The following BRSK2 variants were observed in gnomAD, a reference collection of about 807,000 sequenced individuals.
BRSK2 encodes the protein serine/threonine-protein kinase BRSK2.
In BRSK2, 19 loss-of-function variants were observed where a neutral mutation model predicts 83.3. The ratio of observed to expected loss-of-function variants is 0.23; its 90% confidence interval spans 0.16 to 0.33. The LOEUF (loss-of-function observed/expected upper bound fraction) is 0.33, where lower values mean the gene tolerates loss of function less well. Ranked by LOEUF, BRSK2 falls within the 10% of genes least tolerant of loss-of-function variation. The probability of loss-of-function intolerance (pLI) is 1.00; values close to 1 mark genes in which losing one functional copy is unlikely to be tolerated. For missense variants in BRSK2, 798 were observed against 1,042.3 expected (o/e 0.77, Z 3.23); for synonymous variants, 519 against 435.4 (o/e 1.19, Z -2.39).
intron 18 of BRSK2, chr11:1,456,958 C>G: frequency 2.5e-6 from 4 of 1,597,326 alleles, no homozygotes; most frequent in South Asian, 2.2e-5. Context: ...ACCGTAGAAC[C>G]CCCCCCACCA....
intron 1 of BRSK2, among the ~76,000 whole-genome samples, chr11:1,399,134 G>A (rs535992513): frequency 2.6e-5 from 4 of 152,308 alleles, no homozygotes; most frequent in African/African-American, 4.8e-5. Context: ...CCACAGAGCC[G>A]TTGTGACTGG....
At chr11:1,411,696 G>C in intron 1 of BRSK2, 1 of 1,531,326 alleles carries the variant, frequency 6.5e-7, no homozygotes, top group African/African-American at 1.4e-5. Flanking sequence ...CATGTGTGAG[G>C]GATGCAGCCC....
chr11:1,419,216 T>A, intron 1 of BRSK2, among the ~76,000 whole-genome samples: 1 of 96,954 alleles, frequency 1.0e-5, no homozygotes, highest in African/African-American at 4.2e-5. Flanking sequence ...GTCTGGGCAC[T>A]GGCGGGGTGG....
Position 1,441,001 on chromosome 11 carries a change from T to C in BRSK2, c.413+73T>C, listed in dbSNP as rs1447726955. The C allele has an allele frequency of 3.8e-6, 5 of 1,299,924 alleles. No individual in the cohort carries two copies. In the Admixed American group the frequency reaches 9.6e-5, roughly 25 times the overall value. The allele number at this position is 1,299,924 out of a possible 1,614,324, so 80.5% of individuals were successfully genotyped here. On this transcript the variant is annotated intron_variant, in intron 4 of 19. Coordinates refer to ENST00000528841, the MANE Select transcript of BRSK2 (RefSeq NM_001256627.2). ...CCAGTGCGCTACCACAGATGCCCCC[T>C]GTGCCCCAAGGACTACACCCCCTAT... is the stretch of plus-strand genomic sequence containing the variant.
intron 1 of BRSK2, among the ~76,000 whole-genome samples, chr11:1,412,837 C>T (rs564532914): frequency 2.0e-5 from 3 of 149,506 alleles, no homozygotes; most frequent in African/African-American, 5.1e-5. Context: ...AGCAACCCCG[C>T]GTCCCAGGCA....
At chr11:1,400,475 C>T (rs537903841) in intron 1 of BRSK2, among the ~76,000 whole-genome samples, 63 of 152,300 alleles carry the variant, frequency 4.1e-4, no homozygotes, top group South Asian at 1.0e-3. Context: ...CAGTGACCAC[C>T]TCTTCCATAA....
chr11:1,459,682 C>T (rs771400230), intron 19 of BRSK2, among the ~76,000 whole-genome samples: 3 of 152,176 alleles, frequency 2.0e-5, no homozygotes, highest in Admixed American at 6.5e-5. Context: ...GGGCCTCCAT[C>T]GACACACCTG....
chr11:1,397,492 C>T (rs1376358310), intron 1 of BRSK2, among the ~76,000 whole-genome samples: 2 of 152,246 alleles, frequency 1.3e-5, no homozygotes, highest in Non-Finnish European at 2.9e-5. Flanking sequence ...TCCTGGACGC[C>T]TCCAGCTTCC....
chr11:1,451,400 A>G lies in BRSK2; in HGVS notation c.1525A>G (p.Thr509Ala). 3 of 1,612,930 alleles carry G rather than the reference A, an allele frequency of 1.9e-6. No individual in the cohort carries two copies. The highest frequency in any genetic ancestry group is 2.5e-6 in the Non-Finnish European group (3 of 1,179,892). Residue 509 changes from threonine (T) to alanine (A), a missense_variant, in exon 15 of 20, where the codon ACA (threonine) becomes GCA (alanine). This residue lies in a region of BRSK2 where 455 missense variants were observed against 455.2 expected (regional missense o/e 1.00). Coordinates refer to ENST00000528841, the MANE Select transcript of BRSK2 (RefSeq NM_001256627.2). Reference protein sequence around the residue: ...VPTPEEMSNLTPESSPELAKK... With the variant: ...VPTPEEMSNLAPESSPELAKK... ...GACGCCGGAGGAGATGTCCAACCTG[A>G]CACCAGAGTCGTCCCCAGAGTAAGT...
intron 12 of BRSK2, among the ~76,000 whole-genome samples, chr11:1,449,548 G>A (rs1845548492): frequency 6.6e-6 from 1 of 152,144 alleles, no homozygotes; most frequent in South Asian, 2.1e-4. Context: ...TGCTGGCATG[G>A]GGTGGCCCCC....
chr11:1,445,696 C>T lies in BRSK2; in HGVS notation c.1075+28C>T, dbSNP rs201898131. On this transcript the variant is annotated intron_variant, in intron 11 of 19. Transcript: ENST00000528841. ...ATGGGTCCAGGGGTGGCCTCCAGCC[C>T]GGCCTGCACTGCCCCACCGGGGTCC... 2.3e-3 allele frequency: 3,666 copies of T among 1,611,192 alleles called. 19 individuals carry two copies. Among genetic ancestry groups the T allele is most frequent in the South Asian group, 7.6e-3 (688 of 90,956 alleles).
At position 1,440,890 on chromosome 11, in the gene BRSK2, C is replaced by A; in HGVS notation, c.375C>A (p.Ile125=). ...PKEARKFFRQ[I]ISALDFCHSH... ...AGGCTCGGAAGTTCTTCCGGCAGAT[C>A]ATCTCTGCGCTGGACTTCTGCCACA... The change falls in exon 4 of 20, where the codon ATC becomes ATA. Residue 125 remains isoleucine, a synonymous_variant. Transcript: ENST00000528841. 1 of 1,609,592 alleles carries A rather than the reference C, an allele frequency of 6.2e-7. No individual in the cohort carries two copies. Among genetic ancestry groups the A allele is most frequent in the South Asian group, 1.1e-5 (1 of 90,708 alleles).
At chr11:1,434,526 G>A (rs1192801034) in intron 1 of BRSK2, among the ~76,000 whole-genome samples, 5 of 146,710 alleles carry the variant, frequency 3.4e-5, no homozygotes, top group Admixed American at 2.0e-4. Context: ...GGGTGTCGGC[G>A]CACCCAGGAG....
intron 19 of BRSK2, 138 bp from the exon 20 acceptor site, chr11:1,460,360 TTC>T (rs1473343842): frequency 2.1e-6 from 2 of 969,108 alleles, no homozygotes; most frequent in East Asian, 6.1e-5. Context: ...CATCTCTGGG[TTC>T]TTTCCCTCGT....
At chr11:1,456,300 G>T (rs755257610) in intron 16 of BRSK2, 48 bp from the exon 17 acceptor site, 2 of 1,502,416 alleles carry the variant, frequency 1.3e-6, no homozygotes, top group Non-Finnish European at 8.9e-7. Context: ...AGAGGGCCAG[G>T]GTGGGACCTG....
chr11:1,409,358 G>C (rs1847173441), intron 1 of BRSK2: 1 of 152,266 alleles, frequency 6.6e-6, no homozygotes, highest in South Asian at 2.1e-4. Flanking sequence ...TTAGTCATCT[G>C]TGTTTCCTTA....
At chr11:1,421,068 G>A (rs1480829752) in intron 1 of BRSK2, among the ~76,000 whole-genome samples, 2 of 152,150 alleles carry the variant, frequency 1.3e-5, no homozygotes, top group African/African-American at 2.4e-5. Flanking sequence ...AGATCTTTAG[G>A]ATTCAGATCT....
intron 1 of BRSK2, among the ~76,000 whole-genome samples, chr11:1,404,324 C>G (rs911594939): frequency 6.6e-6 from 1 of 152,228 alleles, no homozygotes. Flanking sequence ...TTTCCTGACC[C>G]TGCTCTCCTA....
At chr11:1,406,231 G>A (rs1017931165) in intron 1 of BRSK2, among the ~76,000 whole-genome samples, 1 of 151,838 alleles carries the variant, frequency 6.6e-6, no homozygotes, top group African/African-American at 2.4e-5. Flanking sequence ...AGCACTTTGG[G>A]AGGCCAAGGC....
Sources: allele counts gnomAD v4.1 joint callset (sites outside exome capture counted in the v4.1 genomes callset), GRCh38; gene constraint gnomAD v4.1.1; regional missense constraint gnomAD v4.1.1; transcripts MANE v1.5; gene names NCBI Gene and HGNC (gene_info 2026-07-23, HGNC 2026-07-21).